Variants in WFDC6 observed in about 807,000 individuals in gnomAD.
WFDC6 encodes the protein WAP four-disulfide core domain protein 6.
WFDC6 carries 10 observed loss-of-function variants against 8.2 expected under a neutral mutation model. The observed-to-expected ratio is 1.22, with a 90% CI of 0.75 to 2.07. The LOEUF (loss-of-function observed/expected upper bound fraction) is 2.07, where lower values mean the gene tolerates loss of function less well. WFDC6 is among the 30% of genes most tolerant of loss of function. The pLI, the probability that WFDC6 is intolerant of heterozygous loss-of-function variation, is 0.00. For missense variants in WFDC6, 105 were observed against 104.9 expected (o/e 1.00, Z 0.00); for synonymous variants, 28 against 37.0 (o/e 0.76, Z 0.88).
chr20:45,534,306 G>A lies in WFDC6; in HGVS notation c.*161C>T. The A allele has an allele frequency of 1.2e-6, 1 of 813,928 alleles. No homozygotes were observed. The allele number at this position is 813,928 out of a possible 1,614,324, so 50.4% of individuals were successfully genotyped here. On this transcript the variant is annotated 3_prime_UTR_variant, in exon 3 of 3. Transcript: ENST00000372670. ...CATACTGAGAAGTGGTCAAGGGGAAGAGCATTGTGTTTGAAGAGATGCTAC... is the reference window on the plus strand; with the variant it reads ...CATACTGAGAAGTGGTCAAGGGGAAAAGCATTGTGTTTGAAGAGATGCTAC...
Position 45,537,872 on chromosome 20 carries a change from C to A in WFDC6, c.222+92G>T, listed in dbSNP as rs1012544055. 5.6e-6 allele frequency: 9 copies of A among 1,593,406 alleles called. No individual in the cohort carries two copies. The Admixed American group carries it at 6.8e-5, about 12-fold the overall frequency. On this transcript the variant is annotated intron_variant, in intron 2 of 2. Transcript: ENST00000372670. ...TGTACCTAAACTCTTGGTCAGAGACCAGCCATCAGTGAACTAGGAGACAGA... is the reference window on the plus strand; with the variant it reads ...TGTACCTAAACTCTTGGTCAGAGACAAGCCATCAGTGAACTAGGAGACAGA...
At chr20:45,538,666 T>C (rs779892274) in intron 1 of WFDC6, among the ~76,000 whole-genome samples, 2 of 152,202 alleles carry the variant, frequency 1.3e-5, no homozygotes, top group Non-Finnish European at 2.9e-5. Flanking sequence ...TTAATCCTCA[T>C]TACAAATCTA....
At chr20:45,537,654 G>T in intron 2 of WFDC6, 1 of 1,277,572 alleles carries the variant, frequency 7.8e-7, no homozygotes, top group Non-Finnish European at 1.1e-6. Flanking sequence ...TGACTACTTG[G>T]CATCTCGAGA....
intron 2 of WFDC6, 60 bp from the exon 3 acceptor site, chr20:45,534,565 T>A: frequency 6.3e-7 from 1 of 1,585,792 alleles, no homozygotes; most frequent in South Asian, 1.1e-5. Context: ...AGGAACCAAA[T>A]CTTGCACCTA....
chr20:45,537,179 C>T (rs1039533047), intron 2 of WFDC6: 1 of 269,720 alleles, frequency 3.7e-6, no homozygotes, highest in African/African-American at 2.1e-5. Context: ...TGTTTCTTGT[C>T]TCTTGCTCAC....
chr20:45,538,299 C>G (rs1441401880), intron 1 of WFDC6, among the ~76,000 whole-genome samples: 1 of 152,154 alleles, frequency 6.6e-6, no homozygotes, highest in Non-Finnish European at 1.5e-5. Flanking sequence ...GATGCCTAAA[C>G]CAACCCCTAC....
At chr20:45,537,586 C>T (rs1440417877) in intron 2 of WFDC6, 3 of 1,544,098 alleles carry the variant, frequency 1.9e-6, no homozygotes, top group South Asian at 1.2e-5. Context: ...GATTATATAC[C>T]TGTCTCTTAT....
intron 2 of WFDC6, chr20:45,535,474 C>T (rs1180375696): frequency 1.1e-6 from 1 of 919,990 alleles, no homozygotes; most frequent in East Asian, 7.3e-5. Context: ...CAGTGTGAAC[C>T]CTGACCACTC....
chr20:45,535,358 T>A (rs1165530337), intron 2 of WFDC6: 62 of 1,277,898 alleles, frequency 4.9e-5, no homozygotes, highest in Non-Finnish European at 6.1e-5. Flanking sequence ...ATAGAGCTGT[T>A]TGGGTGCCTG....
chr20:45,535,319 A>G, intron 2 of WFDC6: 14 of 1,303,638 alleles, frequency 1.1e-5, no homozygotes, highest in Non-Finnish European at 1.4e-5. Context: ...CCTGTGGCAT[A>G]CTGCATATAT....
chr20:45,536,746 C>T (rs546004008), intron 2 of WFDC6: 4 of 152,338 alleles, frequency 2.6e-5, no homozygotes, highest in Admixed American at 2.6e-4. Context: ...GGTTCAGGAA[C>T]ACAAGTCAGT....
At position 45,539,438 on chromosome 20, in the gene WFDC6, CA is replaced by C. The variant is rs746933793; in HGVS notation, c.-32del. 5 of 1,600,924 alleles carry C rather than the reference CA, an allele frequency of 3.1e-6. No homozygotes were observed. In the Admixed American group the frequency reaches 6.7e-5, roughly 21 times the overall value. On this transcript the variant is annotated 5_prime_UTR_variant, in exon 1 of 3. Coordinates refer to ENST00000372670, the MANE Select transcript of WFDC6 (RefSeq NM_080827.2). ...GAAGTACTGGCCTGGTTGATGGCACCAAAACTAAGAACTGCTCCTCAGCAGC... is the reference window on the plus strand; with the variant it reads ...GAAGTACTGGCCTGGTTGATGGCACCAAACTAAGAACTGCTCCTCAGCAGC...
At chr20:45,537,402 G>A in intron 2 of WFDC6, 1 of 975,458 alleles carries the variant, frequency 1.0e-6, no homozygotes, top group Non-Finnish European at 1.6e-6. Context: ...GGTGTCAGGG[G>A]CACCAATCAA....
chr20:45,535,452 C>T (rs6094159), intron 2 of WFDC6: 701,403 of 1,121,598 alleles, frequency 0.63, 220,799 homozygotes, highest in Admixed American at 0.68. Context: ...CCTCAGGGCT[C>T]TGTTCCCAAT....
At chr20:45,539,176 T>G in intron 1 of WFDC6, 141 bp downstream of exon 1, 1 of 787,914 alleles carries the variant, frequency 1.3e-6, no homozygotes, top group Non-Finnish European at 2.0e-6. Context: ...CCAAGAGACT[T>G]CAAATAGCTC....
chr20:45,536,218 T>A (rs1979358490), intron 2 of WFDC6, among the ~76,000 whole-genome samples: 1 of 150,810 alleles, frequency 6.6e-6, no homozygotes, highest in African/African-American at 2.4e-5. Flanking sequence ...GCAGGTAATT[T>A]GGCATAGAGA....
intron 1 of WFDC6, 145 bp from the exon 2 acceptor site, chr20:45,538,239 G>T: frequency 7.0e-7 from 1 of 1,431,154 alleles, no homozygotes; most frequent in Non-Finnish European, 9.4e-7. Flanking sequence ...GGGGGCTCAG[G>T]AATTTCACAA....
Position 45,534,490 on chromosome 20 carries a change from A to G in WFDC6, c.238T>C (p.Tyr80His). The change falls in exon 3 of 3, where the codon TAC (tyrosine) becomes CAC (histidine). Residue 80 changes from tyrosine to histidine, a missense_variant. Physicochemically the swap from Tyr to His is moderately conservative, Grantham distance 83. Coordinates refer to ENST00000372670, the MANE Select transcript of WFDC6 (RefSeq NM_080827.2). Reference sequence around the variant, plus strand: ...GGTTATTCAAGCTCCTCCTTATGGTATAAAGTAAGGCTGACCTGTGAAGCA... The same window carrying G: ...GGTTATTCAAGCTCCTCCTTATGGTGTAAAGTAAGGCTGACCTGTGAAGCA... ...LDFRKVSLTL[Y>H]HKEELE 1 of 1,614,030 alleles carries G rather than the reference A, an allele frequency of 6.2e-7. No homozygotes were observed. The highest frequency in any genetic ancestry group is 8.5e-7 in the Non-Finnish European group (1 of 1,179,924).
At chr20:45,537,291 TG>T (rs1979402824) in intron 2 of WFDC6, 1 of 553,504 alleles carries the variant, frequency 1.8e-6, no homozygotes, top group African/African-American at 1.9e-5. Flanking sequence ...TTCCCATTTT[TG>T]GTCTAAGTAC....
Sources: allele counts gnomAD v4.1 joint callset (sites outside exome capture counted in the v4.1 genomes callset), GRCh38; gene constraint gnomAD v4.1.1; transcripts MANE v1.5; gene names NCBI Gene and HGNC (gene_info 2026-07-23, HGNC 2026-07-21).